Variants in SRRM4 observed in about 807,000 individuals in gnomAD.
The protein encoded by SRRM4 is serine/arginine repetitive matrix 4, also known as serine/arginine repetitive matrix protein 4.
A neutral mutation model predicts 68.9 loss-of-function variants in SRRM4; 33 were observed. The observed-to-expected ratio is 0.48, with a 90% CI of 0.36 to 0.64. The LOEUF is 0.64. Ranked by LOEUF, SRRM4 falls within the 30% of genes least tolerant of loss-of-function variation. The pLI, the probability that SRRM4 is intolerant of heterozygous loss-of-function variation, is 0.00. For missense variants in SRRM4, 817 were observed against 827.1 expected (o/e 0.99, Z 0.15); for synonymous variants, 318 against 318.8 (o/e 1.00, Z 0.03).
chr12:119,004,831 A>G (rs866932026), intron 1 of SRRM4, among the ~76,000 whole-genome samples: 7 of 151,914 alleles, frequency 4.6e-5, no homozygotes, highest in African/African-American at 1.2e-4. Context: ...CCAGTGTCTG[A>G]AAAATACAGA....
intron 1 of SRRM4, among the ~76,000 whole-genome samples, chr12:119,099,515 C>T (rs1165160526): frequency 6.6e-6 from 1 of 152,186 alleles, no homozygotes; most frequent in Non-Finnish European, 1.5e-5. Context: ...GAGCAGATAC[C>T]TGTGTAGAAG....
chr12:119,081,501 G>A (rs1953947451), intron 1 of SRRM4, among the ~76,000 whole-genome samples: 3 of 152,174 alleles, frequency 2.0e-5, no homozygotes, highest in Non-Finnish European at 2.9e-5. Context: ...AGAGAACAAG[G>A]GGAAAGGAGC....
At chr12:119,077,098 G>C (rs1230712032) in intron 1 of SRRM4, among the ~76,000 whole-genome samples, 1 of 152,076 alleles carries the variant, frequency 6.6e-6, no homozygotes, top group African/African-American at 2.4e-5. Context: ...TCTCCCTTCA[G>C]TATGCTTTTC....
intron 1 of SRRM4, among the ~76,000 whole-genome samples, chr12:119,090,721 G>A (rs1036090073): frequency 6.6e-6 from 1 of 152,146 alleles, no homozygotes; most frequent in African/African-American, 2.4e-5. Context: ...AAGTGTCCCT[G>A]AGTGTAGCAC....
intron 8 of SRRM4, among the ~76,000 whole-genome samples, chr12:119,140,778 T>C (rs1372105251): frequency 2.0e-5 from 3 of 152,222 alleles, no homozygotes; most frequent in African/African-American, 4.8e-5. Context: ...GCAGAGCCTC[T>C]GGGTGCTTTC....
intron 2 of SRRM4, among the ~76,000 whole-genome samples, chr12:119,110,872 A>G (rs1376428023): frequency 6.6e-6 from 1 of 152,174 alleles, no homozygotes; most frequent in Non-Finnish European, 1.5e-5. Context: ...CCTTAGTTGG[A>G]AATACAGAAA....
At chr12:119,102,088 T>C in intron 1 of SRRM4, 148 bp from the exon 2 acceptor site, 1 of 718,482 alleles carries the variant, frequency 1.4e-6, no homozygotes, top group Non-Finnish European at 2.2e-6. Context: ...TCCCTCCTGC[T>C]TAGAGACCAT....
chr12:119,018,715 C>T (rs1410638389), intron 1 of SRRM4, among the ~76,000 whole-genome samples: 1 of 151,994 alleles, frequency 6.6e-6, no homozygotes, highest in Non-Finnish European at 1.5e-5. Context: ...GCTGGGTGGC[C>T]ACTCGTATTT....
Position 119,116,936 on chromosome 12 carries a change from G to T in SRRM4, c.366-1G>T. 6.2e-7 allele frequency: 1 copy of T among 1,613,670 alleles called. No individual in the cohort carries two copies. Among genetic ancestry groups the T allele is most frequent in the East Asian group, 2.2e-5 (1 of 44,858 alleles). ...GAAATGTGTCTTCTTGGCCCTGGCAGGTCCTCATCCTATAGCCCATCGCCT... is the reference window on the plus strand; with the variant it reads ...GAAATGTGTCTTCTTGGCCCTGGCATGTCCTCATCCTATAGCCCATCGCCT... On this transcript the variant is annotated splice_acceptor_variant, in intron 3 of 12. Transcript: ENST00000267260. LOFTEE classifies it high-confidence loss of function.
At chr12:119,077,674 C>A (rs1256812377) in intron 1 of SRRM4, among the ~76,000 whole-genome samples, 1 of 152,130 alleles carries the variant, frequency 6.6e-6, no homozygotes, top group Non-Finnish European at 1.5e-5. Flanking sequence ...ATAATAATAT[C>A]TTAAAATCAA....
At position 119,043,775 on chromosome 12, in the gene SRRM4, TACACAC is replaced by T. The variant is rs58053550; in HGVS notation, c.132-58433_132-58428del. Among the ~76,000 whole-genome samples the T allele has an allele frequency of 2.0e-4, 28 of 141,766 alleles. 1 individual carries two copies. Among genetic ancestry groups the T allele is most frequent in the East Asian group, 1.1e-3 (5 of 4,676 alleles). The allele number at this position is 141,766 out of a possible 152,430, so 93.0% of individuals were successfully genotyped here. A position where few individuals can be genotyped will look rare whatever the true frequency, so the allele number is the denominator to read the frequency against. ...ACATACACATGCACACATACACGCA[TACACAC>T]ACACACACACACACACACACACACA... On this transcript the variant is annotated intron_variant, in intron 1 of 12. Transcript: ENST00000267260.
At chr12:119,093,826 C>T (rs2136038102) in intron 1 of SRRM4, among the ~76,000 whole-genome samples, 1 of 152,302 alleles carries the variant, frequency 6.6e-6, no homozygotes, top group East Asian at 1.9e-4. Context: ...GCAGTCTCAA[C>T]AATCGAATCC....
At chr12:119,109,093 C>T (rs1170439351) in intron 2 of SRRM4, among the ~76,000 whole-genome samples, 1 of 152,136 alleles carries the variant, frequency 6.6e-6, no homozygotes, top group Non-Finnish European at 1.5e-5. Context: ...CCTAGTTTGG[C>T]TGGATATGAA....
At chr12:119,136,755 C>G (rs1448299495) in intron 8 of SRRM4, among the ~76,000 whole-genome samples, 1 of 152,020 alleles carries the variant, frequency 6.6e-6, no homozygotes, top group Non-Finnish European at 1.5e-5. Flanking sequence ...TTTCTGAGAA[C>G]AGGTGGGCAG....
At chr12:119,155,263 A>G (rs1954464914) in intron 12 of SRRM4, among the ~76,000 whole-genome samples, 1 of 152,184 alleles carries the variant, frequency 6.6e-6, no homozygotes, top group Non-Finnish European at 1.5e-5. Context: ...AAGCTGGGAG[A>G]ATGATTGAAT....
intron 1 of SRRM4, among the ~76,000 whole-genome samples, chr12:119,089,441 A>G (rs918548781): frequency 6.6e-6 from 1 of 152,172 alleles, no homozygotes; most frequent in African/African-American, 2.4e-5. Flanking sequence ...GGCATTTCCT[A>G]CAGGTGGGAA....
intron 1 of SRRM4, among the ~76,000 whole-genome samples, chr12:119,028,915 G>T (rs944525344): frequency 3.3e-5 from 5 of 152,156 alleles, no homozygotes; most frequent in Admixed American, 6.5e-5. Flanking sequence ...CACTTTGCCT[G>T]GGGTTTCAAC....
intron 1 of SRRM4, among the ~76,000 whole-genome samples, chr12:119,093,221 T>C (rs957168646): frequency 1.3e-5 from 2 of 152,244 alleles, no homozygotes; most frequent in African/African-American, 4.8e-5. Flanking sequence ...CTCCACCCAT[T>C]GCAGTACAAT....
chr12:119,151,317 C>T (rs1281750727), intron 10 of SRRM4, 97 bp downstream of exon 10: 21 of 1,174,864 alleles, frequency 1.8e-5, no homozygotes, highest in African/African-American at 3.0e-5. Context: ...AGAAGTCAGA[C>T]GGACTTAGGT....
Sources: allele counts gnomAD v4.1 joint callset (sites outside exome capture counted in the v4.1 genomes callset), GRCh38; gene constraint gnomAD v4.1.1; transcripts MANE v1.5; gene names NCBI Gene and HGNC (gene_info 2026-07-23, HGNC 2026-07-21).